DCAF8L2: variants seen among roughly 807,000 people sequenced by gnomAD.
The protein encoded by DCAF8L2 is DDB1- and CUL4-associated factor 8-like protein 2.
For missense variants in DCAF8L2, 430 were observed against 490.7 expected (o/e 0.88, Z 1.17); for synonymous variants, 200 against 190.9 (o/e 1.05, Z -0.39).
the DCAF8L2 span, among the ~76,000 whole-genome samples, chrX:27,471,650 A>G: frequency 9.0e-6 from 1 of 111,560 alleles, no homozygotes; most frequent in Admixed American, 9.6e-5. Context: ...ACTTCTCTTC[A>G]TACTCTAACA....
the DCAF8L2 span, among the ~76,000 whole-genome samples, chrX:27,497,693 C>T: frequency 1.4e-4 from 15 of 110,610 alleles, no homozygotes; most frequent in Admixed American, 3.9e-4. Context: ...CTCAGCCTCC[C>T]GAGTAGCTGG....
the DCAF8L2 span, among the ~76,000 whole-genome samples, chrX:27,553,032 T>C: frequency 8.9e-6 from 1 of 111,975 alleles, no homozygotes; most frequent in Non-Finnish European, 1.9e-5. Context: ...TTGTAGTTAT[T>C]GTAAATGGGA....
chrX:27,686,444 G>C (rs1317441991), intron 3 of DCAF8L2, among the ~76,000 whole-genome samples: 1 of 110,235 alleles, frequency 9.1e-6, no homozygotes, highest in Non-Finnish European at 1.9e-5. Flanking sequence ...CATGGAACTG[G>C]GGGTCATTAT....
the DCAF8L2 span, among the ~76,000 whole-genome samples, chrX:27,474,458 C>A: frequency 3.8e-4 from 42 of 111,200 alleles, no homozygotes; most frequent in African/African-American, 1.3e-3. Context: ...AAAATAGATA[C>A]CTTGAGTTGA....
intron 1 of DCAF8L2, among the ~76,000 whole-genome samples, chrX:27,615,080 T>G (rs909711926): frequency 1.9e-5 from 2 of 106,726 alleles, no homozygotes; most frequent in Non-Finnish European, 3.9e-5. Flanking sequence ...CCAATGATGC[T>G]AGAGGTTTCA....
chrX:27,544,528 G>A, the DCAF8L2 span, among the ~76,000 whole-genome samples: 14 of 111,669 alleles, frequency 1.3e-4, no homozygotes, highest in Non-Finnish European at 1.9e-4. Flanking sequence ...TTTAAACACT[G>A]TATGAACTCA....
the DCAF8L2 span, among the ~76,000 whole-genome samples, chrX:27,558,608 T>G: frequency 5.4e-4 from 60 of 111,186 alleles, no homozygotes; most frequent in Middle Eastern, 9.2e-3. Flanking sequence ...TTTTTAAATT[T>G]TTTATTTATT....
chrX:27,519,265 AAAGCTCTAGAACTGGATCAAG>A, the DCAF8L2 span: 1 of 989,609 alleles, frequency 1.0e-6, no homozygotes, highest in South Asian at 1.9e-5. Flanking sequence ...ACAGACTCAA[AAAGCTCTAGAACTGGATCAAG>A]AATGAAAACG....
At chrX:27,617,495 C>T (rs1927535799) in intron 1 of DCAF8L2, among the ~76,000 whole-genome samples, 1 of 111,177 alleles carries the variant, frequency 9.0e-6, no homozygotes, top group African/African-American at 3.3e-5. Context: ...TCATATGATT[C>T]AAGGATTTTT....
At chrX:27,509,721 C>A in the DCAF8L2 span, among the ~76,000 whole-genome samples, 2 of 111,140 alleles carry the variant, frequency 1.8e-5, no homozygotes, top group Admixed American at 9.6e-5. Flanking sequence ...CTTTTGCTTA[C>A]AACAAAATGT....
intron 2 of DCAF8L2, among the ~76,000 whole-genome samples, chrX:27,665,843 T>C (rs1929721290): frequency 8.9e-6 from 1 of 111,839 alleles, no homozygotes; most frequent in African/African-American, 3.2e-5. Flanking sequence ...TTAAGGTATG[T>C]ACATTTTTTA....
At chrX:27,718,531 G>C (rs1215090799) in intron 4 of DCAF8L2, among the ~76,000 whole-genome samples, 1 of 111,434 alleles carries the variant, frequency 9.0e-6, no homozygotes. Flanking sequence ...GAGTGTGCCT[G>C]TGAGAGTGTT....
At chrX:27,721,639 TA>T (rs1931903501) in intron 4 of DCAF8L2, among the ~76,000 whole-genome samples, 1 of 110,556 alleles carries the variant, frequency 9.0e-6, no homozygotes, top group South Asian at 3.7e-4. Context: ...TTTAAAATAA[TA>T]AAGTAGATTA....
intron 3 of DCAF8L2, among the ~76,000 whole-genome samples, chrX:27,709,466 A>C (rs1931452230): frequency 8.9e-6 from 1 of 111,996 alleles, no homozygotes. Flanking sequence ...GTTGATTTTA[A>C]ACTACACCAC....
At chrX:27,731,372 A>G (rs1313294053) in intron 4 of DCAF8L2, among the ~76,000 whole-genome samples, 1 of 111,193 alleles carries the variant, frequency 9.0e-6, no homozygotes, top group East Asian at 2.8e-4. Context: ...CTGCATTCCA[A>G]CCTGGGCGAC....
intron 2 of DCAF8L2, among the ~76,000 whole-genome samples, chrX:27,668,104 C>T (rs1212231565): frequency 1.8e-5 from 2 of 111,897 alleles, no homozygotes; most frequent in African/African-American, 3.3e-5. Context: ...TCCACGTAAG[C>T]CATCACTACA....
the DCAF8L2 span, among the ~76,000 whole-genome samples, chrX:27,576,082 T>C: frequency 1.8e-5 from 2 of 112,413 alleles, no homozygotes; most frequent in Non-Finnish European, 3.8e-5. Context: ...ACCTAATACA[T>C]CTTCATTAAT....
Position 27,606,787 on chromosome X carries a change from T to C in DCAF8L2, c.-342+16347T>C, listed in dbSNP as rs946588934. ...CACTTCTAGTGACTGATTTTTTTGG[T>C]AAACTTTTCCTAGTCAATCTGTGAT... On this transcript the variant is annotated intron_variant, in intron 1 of 4. Coordinates refer to ENST00000451261, the MANE Select transcript of DCAF8L2 (RefSeq NM_001353450.2). Among the ~76,000 whole-genome samples the C allele has an allele frequency of 5.7e-4, 64 of 111,311 alleles. 1 individual carries two copies. The highest frequency in any genetic ancestry group is 2.1e-3 in the African/African-American group (63 of 30,519).
the DCAF8L2 span, among the ~76,000 whole-genome samples, chrX:27,568,511 C>G: frequency 9.0e-6 from 1 of 111,130 alleles, no homozygotes; most frequent in African/African-American, 3.3e-5. Context: ...ATTTTTTTCT[C>G]TAGACAGGAC....
Sources: allele counts gnomAD v4.1 joint callset (sites outside exome capture counted in the v4.1 genomes callset), GRCh38; gene constraint gnomAD v4.1.1; transcripts MANE v1.5; gene names NCBI Gene and HGNC (gene_info 2026-07-23, HGNC 2026-07-21).